FAM53A: variants seen among roughly 807,000 people sequenced by gnomAD.
FAM53A encodes the protein family with sequence similarity 53 member A, also known as protein FAM53A.
In FAM53A, 28 loss-of-function variants were observed where a neutral mutation model predicts 26.6. The ratio of observed to expected loss-of-function variants is 1.05; its 90% CI spans 0.78 to 1.45. The LOEUF (loss-of-function observed/expected upper bound fraction) is 1.45. FAM53A is among the 40% of genes most tolerant of loss of function. The pLI is 0.00. For synonymous variants in FAM53A, 290 were observed against 253.1 expected, an observed-to-expected ratio of 1.15 and a Z score of -1.38; for missense variants, 650 against 575.8, an observed-to-expected ratio of 1.13 and a Z score of -1.32.
the FAM53A span, among the ~76,000 whole-genome samples, chr4:1,599,233 C>T: frequency 2.9e-4 from 14 of 48,612 alleles, no homozygotes; most frequent in African/African-American, 6.8e-4. The surrounding 1 kb of genome is among the most constrained non-coding windows in gnomAD (Gnocchi z 6.1). Flanking sequence ...AGCGCAGGGC[C>T]GTCAGCTCCA....
chr4:1,670,875 C>T (rs1215097790), intron 1 of FAM53A, among the ~76,000 whole-genome samples: 1 of 151,920 alleles, frequency 6.6e-6, no homozygotes, highest in African/African-American at 2.4e-5. Context: ...AGCCACAGCC[C>T]AGACTCACCT....
intron 1 of FAM53A, among the ~76,000 whole-genome samples, chr4:1,674,881 T>C (rs1192655342): frequency 1.3e-5 from 2 of 152,126 alleles, no homozygotes; most frequent in African/African-American, 4.8e-5. Context: ...CCCTCCCCCT[T>C]GGCAGTTCTG....
chr4:1,684,419 G>C (rs1225835839), upstream of FAM53A: 1 of 147,468 alleles, frequency 6.8e-6, no homozygotes, highest in African/African-American at 2.5e-5. Flanking sequence ...CCTTCTCCAC[G>C]CCGGCCCTCA....
At chr4:1,626,445 C>T (rs1458239524) in intron 1 of FAM53A, among the ~76,000 whole-genome samples, 2 of 152,278 alleles carry the variant, frequency 1.3e-5, no homozygotes, top group East Asian at 1.9e-4. Flanking sequence ...GCGGGGAAGT[C>T]GGGGAGGACC....
intron 4 of FAM53A, among the ~76,000 whole-genome samples, chr4:1,652,768 ACAC>A (rs555557620): frequency 3.0e-4 from 43 of 142,776 alleles, no homozygotes; most frequent in Non-Finnish European, 4.6e-4. Flanking sequence ...CACAGACTAC[ACAC>A]CACACAGCAC....
the FAM53A span, among the ~76,000 whole-genome samples, chr4:1,597,857 G>A: frequency 6.6e-6 from 1 of 152,250 alleles, no homozygotes; most frequent in Non-Finnish European, 1.5e-5. Context: ...TTCGCCGGAT[G>A]TGGTGGCGGG....
chr4:1,644,251 C>T (rs1712027207), intron 4 of FAM53A: 3 of 1,536,040 alleles, frequency 2.0e-6, no homozygotes, highest in Non-Finnish European at 1.7e-6. Context: ...CAGAGTCGAC[C>T]CTCTGGACTG....
intron 3 of FAM53A, among the ~76,000 whole-genome samples, chr4:1,657,031 A>G (rs1261684205): frequency 6.6e-6 from 1 of 152,206 alleles, no homozygotes; most frequent in Non-Finnish European, 1.5e-5. Flanking sequence ...TGGGCCGCCC[A>G]GTATGCCATG....
intron 1 of FAM53A, among the ~76,000 whole-genome samples, chr4:1,620,203 T>G (rs1714967966): frequency 8.7e-6 from 1 of 114,860 alleles, no homozygotes; most frequent in Non-Finnish European, 1.7e-5. Flanking sequence ...TGAGACTCTG[T>G]CTCAAAAAAA....
chr4:1,593,519 A>T, the FAM53A span, among the ~76,000 whole-genome samples: 1 of 152,192 alleles, frequency 6.6e-6, no homozygotes, highest in South Asian at 2.1e-4. Flanking sequence ...AGCTTGTATC[A>T]GCTGATAAAT....
At chr4:1,650,080 G>C in intron 4 of FAM53A, among the ~76,000 whole-genome samples, 1 of 146,634 alleles carries the variant, frequency 6.8e-6, no homozygotes, top group African/African-American at 2.5e-5. Context: ...CGTGGTGTTT[G>C]TGAGGTGGCA....
At chr4:1,590,969 T>C in the FAM53A span, among the ~76,000 whole-genome samples, 167 of 108,670 alleles carry the variant, frequency 1.5e-3, 7 homozygotes, top group African/African-American at 4.4e-3. Flanking sequence ...TATATATATA[T>C]ATATATATAT....
intron 4 of FAM53A, among the ~76,000 whole-genome samples, chr4:1,642,722 C>T (rs1711837305): frequency 6.6e-6 from 1 of 151,782 alleles, no homozygotes; most frequent in East Asian, 1.9e-4. Context: ...TGGTGCCCAG[C>T]GCCGTCCATG....
the FAM53A span, among the ~76,000 whole-genome samples, chr4:1,584,975 T>A: frequency 2.0e-5 from 3 of 152,226 alleles, no homozygotes; most frequent in Non-Finnish European, 2.9e-5. Flanking sequence ...AATTAATTAA[T>A]TTTTTAACTG....
the FAM53A span, among the ~76,000 whole-genome samples, chr4:1,588,858 C>G: frequency 3.9e-5 from 6 of 152,304 alleles, no homozygotes; most frequent in South Asian, 1.0e-3. Flanking sequence ...GTCAGCTTTG[C>G]TAAATCGTTT....
At position 1,655,109 on chromosome 4, in the gene FAM53A, C is replaced by G; in HGVS notation, c.751G>C (p.Gly251Arg). ...CGGCACCGGAGCAGCCCACGGCGCC[C>G]GCCCAGCGCAGGCGTGGACGTGGGG... Reference protein sequence around the residue: ...SSPTSTPALGGRRGLLRCRSQ... With the variant: ...SSPTSTPALGRRRGLLRCRSQ... Residue 251 changes from glycine (G) to arginine (R), a missense_variant, in exon 4 of 5, where the codon GGG becomes CGG. Transcript: ENST00000308132. The G allele has an allele frequency of 6.2e-7, 1 of 1,600,666 alleles. No individual in the cohort carries two copies. Among genetic ancestry groups the G allele is most frequent in the Non-Finnish European group, 8.5e-7 (1 of 1,173,526 alleles).
chr4:1,647,428 C>T (rs528048038), intron 4 of FAM53A, among the ~76,000 whole-genome samples: 52 of 152,198 alleles, frequency 3.4e-4, no homozygotes, highest in African/African-American at 1.2e-3. Flanking sequence ...AGTGCCCCTG[C>T]ACCCTGCTCA....
chr4:1,656,965 G>A (rs1713431962), intron 3 of FAM53A, among the ~76,000 whole-genome samples: 1 of 152,088 alleles, frequency 6.6e-6, no homozygotes, highest in Non-Finnish European at 1.5e-5. Flanking sequence ...ATCAATGAAG[G>A]GCCCACCTGC....
intron 1 of FAM53A, among the ~76,000 whole-genome samples, chr4:1,679,094 T>C (rs550581607): frequency 2.0e-5 from 3 of 152,202 alleles, no homozygotes; most frequent in African/African-American, 4.8e-5. Context: ...AGTTCCAGAC[T>C]GAAAGAAAAT....
Sources: allele counts gnomAD v4.1 joint callset (sites outside exome capture counted in the v4.1 genomes callset), GRCh38; gene constraint gnomAD v4.1.1; non-coding constraint Gnocchi (gnomAD v3.1); transcripts MANE v1.5; gene names NCBI Gene and HGNC (gene_info 2026-07-23, HGNC 2026-07-21).